The following AP3B1 variants were observed in gnomAD, a reference collection of about 807,000 sequenced individuals.
AP3B1 encodes adaptor related protein complex 3 subunit beta 1.
AP3B1 carries 61 observed loss-of-function variants against 132.5 expected under a neutral mutation model. The ratio of observed to expected loss-of-function variants is 0.46; its 90% confidence interval spans 0.37 to 0.57. The LOEUF is 0.57. Among genes scored for constraint, AP3B1 ranks in the 20% least tolerant of loss-of-function variants. The probability of loss-of-function intolerance (pLI) is 0.00; values close to 1 mark genes in which losing one functional copy is unlikely to be tolerated. For missense variants in AP3B1, 1,120 were observed against 1,289.4 expected (o/e 0.87, Z 2.01); for synonymous variants, 388 against 438.3 (o/e 0.89, Z 1.43).
chr5:78,155,806 G>A (rs1242441613), intron 14 of AP3B1, among the ~76,000 whole-genome samples: 1 of 151,826 alleles, frequency 6.6e-6, no homozygotes, highest in Non-Finnish European at 1.5e-5. Context: ...CAACTTATAA[G>A]TGATCAAAAA....
intron 3 of AP3B1, among the ~76,000 whole-genome samples, chr5:78,240,388 A>G (rs749971185): frequency 6.6e-6 from 1 of 152,216 alleles, no homozygotes; most frequent in Non-Finnish European, 1.5e-5. Context: ...GGACGTGTTC[A>G]TTCAATAAAT....
chr5:78,253,127 T>A (rs954234128), intron 2 of AP3B1, among the ~76,000 whole-genome samples: 18 of 152,190 alleles, frequency 1.2e-4, no homozygotes, highest in African/African-American at 4.3e-4. Context: ...TAAGACCATC[T>A]AGGCAGTACC....
At chr5:78,078,895 T>A (rs537865056) in intron 22 of AP3B1, among the ~76,000 whole-genome samples, 1 of 152,338 alleles carries the variant, frequency 6.6e-6, no homozygotes, top group Non-Finnish European at 1.5e-5. Flanking sequence ...AATGCAAATA[T>A]CTAGAGAATC....
intron 1 of AP3B1, among the ~76,000 whole-genome samples, chr5:78,287,051 A>G (rs540865161): frequency 2.0e-5 from 3 of 152,316 alleles, no homozygotes; most frequent in Middle Eastern, 3.4e-3. Context: ...TACATTTGTC[A>G]TTCTATGAGC....
chr5:78,077,491 C>T (rs1327479948), intron 22 of AP3B1, among the ~76,000 whole-genome samples: 2 of 152,150 alleles, frequency 1.3e-5, no homozygotes, highest in Non-Finnish European at 2.9e-5. Flanking sequence ...TACCGGCACA[C>T]AAAAAGATTG....
intron 7 of AP3B1, among the ~76,000 whole-genome samples, chr5:78,193,748 A>ATATATATCTATC (rs1744950261): frequency 1.8e-5 from 1 of 57,052 alleles, no homozygotes; most frequent in Non-Finnish European, 3.3e-5. Context: ...ATTTTTTTAT[A>ATATATATCTATC]TATATATATA....
chr5:78,080,770 G>T (rs149248940), intron 22 of AP3B1, among the ~76,000 whole-genome samples: 1 of 151,438 alleles, frequency 6.6e-6, no homozygotes, highest in African/African-American at 2.4e-5. Context: ...TTCAATAATT[G>T]TAATAAGCAC....
intron 17 of AP3B1, among the ~76,000 whole-genome samples, chr5:78,121,463 AG>A (rs1752189797): frequency 6.6e-6 from 1 of 152,168 alleles, no homozygotes; most frequent in Non-Finnish European, 1.5e-5. Context: ...CTAATAAAGA[AG>A]AAAAGAGAGA....
intron 2 of AP3B1, among the ~76,000 whole-genome samples, chr5:78,255,700 T>C (rs1255172660): frequency 6.6e-6 from 1 of 151,840 alleles, no homozygotes; most frequent in African/African-American, 2.4e-5. Flanking sequence ...CAACAGAAAA[T>C]CAAGAAACAC....
intron 1 of AP3B1, among the ~76,000 whole-genome samples, chr5:78,289,950 C>A (rs750730635): frequency 6.6e-6 from 1 of 152,140 alleles, no homozygotes; most frequent in African/African-American, 2.4e-5. Context: ...CCTAAAGAAT[C>A]CATCTTTCCT....
chr5:78,079,605 C>T (rs555777870), intron 22 of AP3B1, among the ~76,000 whole-genome samples: 1 of 152,028 alleles, frequency 6.6e-6, no homozygotes, highest in African/African-American at 2.4e-5. Flanking sequence ...GCACAAAACC[C>T]GGACTCAAGT....
chr5:78,044,067 T>G (rs1354016016), intron 22 of AP3B1: 1 of 305,984 alleles, frequency 3.3e-6, no homozygotes, highest in Non-Finnish European at 6.4e-6. Context: ...ACGAGAGACA[T>G]GAGTTGGGCA....
At chr5:78,048,998 A>G (rs994255476) in intron 22 of AP3B1, among the ~76,000 whole-genome samples, 12 of 152,204 alleles carry the variant, frequency 7.9e-5, no homozygotes, top group African/African-American at 2.9e-4. Flanking sequence ...GATTAGACTG[A>G]ACCATATGTA....
chr5:78,139,893 T>C (rs541434917), intron 15 of AP3B1, among the ~76,000 whole-genome samples: 92 of 151,548 alleles, frequency 6.1e-4, no homozygotes, highest in Admixed American at 6.6e-4. Flanking sequence ...GTCAGAGAGA[T>C]ATCTAGGCAG....
At chr5:78,178,012 A>T (rs932115732) in intron 8 of AP3B1, among the ~76,000 whole-genome samples, 11 of 152,160 alleles carry the variant, frequency 7.2e-5, no homozygotes, top group African/African-American at 2.2e-4. Flanking sequence ...ATACATCCTC[A>T]GAAAAAAAAA....
intron 5 of AP3B1, 27 bp downstream of exon 5, chr5:78,227,345 T>C (rs753732728): frequency 1.8e-5 from 29 of 1,607,160 alleles, no homozygotes; most frequent in Admixed American, 1.2e-4. Context: ...TCAGAGATCT[T>C]TGGTATATTG....
chr5:78,271,491 C>T (rs1382245456), intron 1 of AP3B1, among the ~76,000 whole-genome samples: 2 of 152,092 alleles, frequency 1.3e-5, no homozygotes, highest in African/African-American at 4.8e-5. Context: ...ATGAATATTC[C>T]TCCTATACTG....
At position 78,150,601 on chromosome 5, in the gene AP3B1, C is replaced by T. The variant is rs138649909; in HGVS notation, c.1473+5657G>A. On this transcript the variant is annotated intron_variant, in intron 14 of 26. Transcript: ENST00000255194. ...TGCAGCACTACTATGTGCCAGCCAGCGTTCCAAGGGCATTACCATATTAAC... is the reference window on the plus strand; with the variant it reads ...TGCAGCACTACTATGTGCCAGCCAGTGTTCCAAGGGCATTACCATATTAAC... Among the ~76,000 whole-genome samples the T allele has an allele frequency of 5.6e-4, 85 of 152,244 alleles. 1 individual carries two copies. The East Asian group carries it at 0.012, about 22-fold the overall frequency.
chr5:78,063,286 G>T (rs913698733), intron 22 of AP3B1, among the ~76,000 whole-genome samples: 2 of 152,134 alleles, frequency 1.3e-5, no homozygotes, highest in African/African-American at 4.8e-5. Flanking sequence ...AGTAATAGCA[G>T]TTCGGTGCTT....
Sources: allele counts gnomAD v4.1 joint callset (sites outside exome capture counted in the v4.1 genomes callset), GRCh38; gene constraint gnomAD v4.1.1; transcripts MANE v1.5; gene names NCBI Gene and HGNC (gene_info 2026-07-23, HGNC 2026-07-21).